The following EDC4 variants were observed in gnomAD, a reference collection of about 807,000 sequenced individuals.
The protein encoded by EDC4 is enhancer of mRNA decapping 4, also known as enhancer of mRNA-decapping protein 4.
Under a neutral mutation model 155.8 loss-of-function variants are expected in EDC4, and 64 were observed. That is an observed-to-expected ratio of 0.41 (90% CI 0.34 to 0.51). The LOEUF (loss-of-function observed/expected upper bound fraction) is 0.51. EDC4 is among the 20% of genes least tolerant of loss of function. The pLI is 0.19. For missense variants in EDC4, 1,303 were observed against 1,812.5 expected (o/e 0.72, Z 5.10); for synonymous variants, 684 against 716.8 (o/e 0.95, Z 0.73).
chr16:67,882,636 C>T lies in EDC4; in HGVS notation c.3442+42C>T. On this transcript the variant is annotated intron_variant, in intron 25 of 28. Coordinates refer to ENST00000358933, the MANE Select transcript of EDC4 (RefSeq NM_014329.5). This position sits in a 1 kb window ranked among gnomAD's most constrained non-coding sequence, Gnocchi z 7.2. ...GGCCCAAGGTGGGAGGGGTTATCCT[C>T]TTTCCTACTGTTCCTCTTATAGTCC... The T allele has an allele frequency of 3.1e-6, 5 of 1,614,250 alleles. No individual in the cohort carries two copies. Among genetic ancestry groups the T allele is most frequent in the Non-Finnish European group, 4.2e-6 (5 of 1,180,058 alleles).
At position 67,876,551 on chromosome 16, in the gene EDC4, G is replaced by A; in HGVS notation, c.303G>A (p.Val101=). 1 of 1,614,156 alleles carries A rather than the reference G, an allele frequency of 6.2e-7. No homozygotes were observed. Among genetic ancestry groups the A allele is most frequent in the African/African-American group, 1.3e-5 (1 of 75,046 alleles). Residue 101 remains valine (V), a synonymous_variant, in exon 3 of 29, where the codon GTG becomes GTA. Coordinates refer to ENST00000358933, the MANE Select transcript of EDC4 (RefSeq NM_014329.5). This position sits in a 1 kb window ranked among gnomAD's most constrained non-coding sequence, Gnocchi z 5.8. ...TTTTGGCCAAGGAGGTGGAGATTGTGGCTAGCAGTGACTCTAGCATTTCAA... is the reference window on the plus strand; with the variant it reads ...TTTTGGCCAAGGAGGTGGAGATTGTAGCTAGCAGTGACTCTAGCATTTCAA... The part of the protein sequence containing the change: ...IGILAKEVEI[V]ASSDSSISSK...
chr16:67,875,696 C>G, intron 1 of EDC4: 1 of 1,294,260 alleles, frequency 7.7e-7, no homozygotes, highest in South Asian at 2.1e-5. Context: ...TGAGTATTCA[C>G]TGCCCTCAAA....
chr16:67,876,429 C>T lies in EDC4; in HGVS notation c.240-59C>T. ...TGGCTATGTCCTCGCTTCCTCCCAA[C>T]CCTGCCCGCTGAGCCTTTGGGTGAA... On this transcript the variant is annotated intron_variant, in intron 2 of 28. Coordinates refer to ENST00000358933, the MANE Select transcript of EDC4 (RefSeq NM_014329.5). This position sits in a 1 kb window ranked among gnomAD's most constrained non-coding sequence, Gnocchi z 5.8. The T allele has an allele frequency of 1.1e-5, 18 of 1,595,442 alleles. No homozygotes were observed. Among genetic ancestry groups the T allele is most frequent in the Non-Finnish European group, 1.5e-5 (18 of 1,169,360 alleles).
In EDC4 at chr16:67,875,957, A is replaced by G. The variant is rs766126304; in HGVS notation, c.95A>G (p.Glu32Gly). ...TCTTTGTCCCCAGGCCCCAGTGCAGAGAGCCCACGGCCATCCAGTGCCTAC... is the reference window on the plus strand; with the variant it reads ...TCTTTGTCCCCAGGCCCCAGTGCAGGGAGCCCACGGCCATCCAGTGCCTAC... ...LDRPAGGPSA[E>G]SPRPSSAYNG... The change falls in exon 2 of 29, where the codon GAG becomes GGG. Residue 32 changes from glutamate to glycine, a missense_variant. This residue lies in a region of EDC4 where 99 missense variants were observed against 121.3 expected (regional missense o/e 0.82). Coordinates refer to ENST00000358933, the MANE Select transcript of EDC4 (RefSeq NM_014329.5). 4.3e-6 allele frequency: 7 copies of G among 1,613,602 alleles called. No individual in the cohort carries two copies. The African/African-American group carries it at 5.3e-5, about 12-fold the overall frequency.
chr16:67,879,816 C>T lies in EDC4; in HGVS notation c.1822-34C>T. 1 of 1,613,172 alleles carries T rather than the reference C, an allele frequency of 6.2e-7. No homozygotes were observed. The highest frequency in any genetic ancestry group is 1.1e-5 in the South Asian group (1 of 91,070). On this transcript the variant is annotated intron_variant, in intron 15 of 28. Coordinates refer to ENST00000358933, the MANE Select transcript of EDC4 (RefSeq NM_014329.5). The surrounding 1 kb of genome is among the most constrained non-coding windows in gnomAD (Gnocchi z 6.0). ...GGGGGACCTGGGAATGCCTCAGCCA[C>T]AGGCCACAGGTCTTATTTCCTGCAT...
In EDC4 at chr16:67,880,221, G is replaced by A. The variant is rs957835282; in HGVS notation, c.2097+5G>A. The A allele has an allele frequency of 1.8e-5, 28 of 1,594,696 alleles. No individual in the cohort carries two copies. Among genetic ancestry groups the A allele is most frequent in the African/African-American group, 4.0e-5 (3 of 74,612 alleles). ...ACTCCCAAGGGGCCGGGCCAGGTGT[G>A]TGACTGGGTGTGTGTGTGAAGTGTG... On this transcript the variant is annotated splice_donor_5th_base_variant and intron_variant, in intron 17 of 28. Transcript: ENST00000358933. This position sits in a 1 kb window ranked among gnomAD's most constrained non-coding sequence, Gnocchi z 5.2.
chr16:67,878,479 G>A lies in EDC4; in HGVS notation c.1088+36G>A, dbSNP rs2058051270. On this transcript the variant is annotated intron_variant, in intron 9 of 28. Coordinates refer to ENST00000358933, the MANE Select transcript of EDC4 (RefSeq NM_014329.5). The surrounding 1 kb of genome is among the most constrained non-coding windows in gnomAD (Gnocchi z 5.2). ...GGGCAGCCTAGTGGGTGGTGGGCTG[G>A]ACCATGGCTCCCAGCAGGGGCCCCA... 6.2e-7 allele frequency: 1 copy of A among 1,614,064 alleles called. No homozygotes were observed. The highest frequency in any genetic ancestry group is 8.5e-7 in the Non-Finnish European group (1 of 1,180,042).
rs373676008 is a variant in EDC4 at position 67,883,941 on chromosome 16, C to T, written c.4014-15C>T. 14 of 1,579,218 alleles carry T rather than the reference C, an allele frequency of 8.9e-6. No homozygotes were observed. In the East Asian group the frequency reaches 1.1e-4, roughly 13 times the overall value. On this transcript the variant is annotated splice_polypyrimidine_tract_variant and intron_variant, in intron 28 of 28. Transcript: ENST00000358933. The surrounding 1 kb of genome is among the most constrained non-coding windows in gnomAD (Gnocchi z 5.3). ...GGCACCCACCTGTAGCCTGTCCTTT[C>T]CCCCCCATCCCCAGCTACCTGGAAG...
In EDC4 at chr16:67,878,594, T is replaced by C; in HGVS notation, c.1147T>C (p.Trp383Arg). The change falls in exon 10 of 29, where the codon TGG becomes CGG. Residue 383 changes from tryptophan (W) to arginine (R), a missense_variant. By Grantham distance (101) the Trp-to-Arg change is moderately radical. Transcript: ENST00000358933. The surrounding 1 kb of genome is among the most constrained non-coding windows in gnomAD (Gnocchi z 5.2). ...TGACCAGAACCGAGAGTTAAAGATGTGGTGTACAGTATCCTGGACCTGCCT... is the reference window on the plus strand; with the variant it reads ...TGACCAGAACCGAGAGTTAAAGATGCGGTGTACAGTATCCTGGACCTGCCT... ...GADQNRELKMWCTVSWTCLQT... is the reference protein window; with the variant it reads ...GADQNRELKMRCTVSWTCLQT... 6.2e-7 allele frequency: 1 copy of C among 1,614,132 alleles called. No homozygotes were observed. The highest frequency in any genetic ancestry group is 8.5e-7 in the Non-Finnish European group (1 of 1,180,018).
chr16:67,879,524 AGGTAGG>A lies in EDC4; in HGVS notation c.1633+23_1633+28del. ...CTTCAGTGAGTAGGGCGTGAGAGGG[AGGTAGG>A]GTAAGTTGGACTGACCAGGGTCTGA... On this transcript the variant is annotated intron_variant, in intron 14 of 28. Transcript: ENST00000358933. This position sits in a 1 kb window ranked among gnomAD's most constrained non-coding sequence, Gnocchi z 6.0. The A allele has an allele frequency of 6.2e-7, 1 of 1,613,950 alleles. No homozygotes were observed. The highest frequency in any genetic ancestry group is 8.5e-7 in the Non-Finnish European group (1 of 1,179,966).
In EDC4 at chr16:67,881,308, G is replaced by A; in HGVS notation, c.2680G>A (p.Gly894Ser). ...GGCCAGCCTTGCCTCTGCTTCAGGA[G>A]GCTTTGGCACCAAAGTTCCTGCTCC... ...EVASLASASG[G>S]FGTKVPAPRL... The change falls in exon 20 of 29, where the codon GGC (glycine) becomes AGC (serine). Residue 894 changes from glycine to serine, a missense_variant. Gly to Ser is a moderately conservative substitution (Grantham distance 56, BLOSUM62 0). This residue lies in a region of EDC4 where 527 missense variants were observed against 757.0 expected (regional missense o/e 0.70). Transcript: ENST00000358933. The surrounding 1 kb of genome is among the most constrained non-coding windows in gnomAD (Gnocchi z 5.4). The A allele has an allele frequency of 6.2e-7, 1 of 1,614,142 alleles. No homozygotes were observed. The highest frequency in any genetic ancestry group is 8.5e-7 in the Non-Finnish European group (1 of 1,180,032).
intron 1 of EDC4, chr16:67,875,727 C>G: frequency 7.3e-7 from 1 of 1,362,754 alleles, no homozygotes; most frequent in South Asian, 1.8e-5. Context: ...TGGCTTGTAC[C>G]CCTCCCCCAG....
chr16:67,879,320 G>T lies in EDC4; in HGVS notation c.1541+11G>T. On this transcript the variant is annotated intron_variant, in intron 13 of 28. Coordinates refer to ENST00000358933, the MANE Select transcript of EDC4 (RefSeq NM_014329.5). The surrounding 1 kb of genome is among the most constrained non-coding windows in gnomAD (Gnocchi z 6.0). ...TTGTGTGCATACTAAGTGAGTGAGT[G>T]GGGAGGCCCGCCAGTGTCCTGTCTG... 1 of 1,614,176 alleles carries T rather than the reference G, an allele frequency of 6.2e-7. No individual in the cohort carries two copies. The highest frequency in any genetic ancestry group is 2.2e-5 in the East Asian group (1 of 44,882).
chr16:67,879,585 A>T lies in EDC4; in HGVS notation c.1634-2A>T. Reference sequence around the variant, plus strand: ...TAACTCAAGTGGCAACTTGCCCTGCAGCATTTGGAGAGTCTCGGCCCGAAC... The same window carrying T: ...TAACTCAAGTGGCAACTTGCCCTGCTGCATTTGGAGAGTCTCGGCCCGAAC... On this transcript the variant is annotated splice_acceptor_variant, in intron 14 of 28. Coordinates refer to ENST00000358933, the MANE Select transcript of EDC4 (RefSeq NM_014329.5). LOFTEE classifies it high-confidence loss of function. This position sits in a 1 kb window ranked among gnomAD's most constrained non-coding sequence, Gnocchi z 6.0. 1 of 1,613,848 alleles carries T rather than the reference A, an allele frequency of 6.2e-7. No individual in the cohort carries two copies. Among genetic ancestry groups the T allele is most frequent in the Non-Finnish European group, 8.5e-7 (1 of 1,179,774 alleles).
chr16:67,873,475 A>T, intron 1 of EDC4, 132 bp downstream of exon 1: 1 of 700,544 alleles, frequency 1.4e-6, no homozygotes. Context: ...GTGGACGGGG[A>T]TTGACTGTGC....
Position 67,876,676 on chromosome 16 carries a change from T to A in EDC4, c.351+77T>A. The A allele has an allele frequency of 6.3e-7, 1 of 1,582,992 alleles. No individual in the cohort carries two copies. Among genetic ancestry groups the A allele is most frequent in the Middle Eastern group, 2.0e-4 (1 of 4,960 alleles). On this transcript the variant is annotated intron_variant, in intron 3 of 28. Transcript: ENST00000358933. The surrounding 1 kb of genome is among the most constrained non-coding windows in gnomAD (Gnocchi z 5.8). The stretch of plus-strand genomic sequence containing the variant: ...TTTCCAGTCTCCCTCATGCTGCCAG[T>A]TCCTATGGGGACCACCTTGACACTT...
At chr16:67,875,864 G>C (rs1424904541) in intron 1 of EDC4, 81 bp from the exon 2 acceptor site, 2 of 1,549,324 alleles carry the variant, frequency 1.3e-6, no homozygotes, top group Non-Finnish European at 1.7e-6. Flanking sequence ...GCACCTCATA[G>C]TTCTTGAAGG....
Position 67,879,767 on chromosome 16 carries a change from TGCA to T in EDC4, c.1819_1821del (p.Gln607del). ...GCCTTCATGACACCTAGCGCCTCCT[TGCA>T]GCAGGTACTCTCCCAGGGTAGGGGG... is the stretch of plus-strand genomic sequence containing the variant. On this transcript the variant is annotated inframe_deletion, in exon 15 of 29. Coordinates refer to ENST00000358933, the MANE Select transcript of EDC4 (RefSeq NM_014329.5). The surrounding 1 kb of genome is among the most constrained non-coding windows in gnomAD (Gnocchi z 6.0). The T allele has an allele frequency of 1.2e-6, 2 of 1,614,032 alleles. No homozygotes were observed. The highest frequency in any genetic ancestry group is 8.5e-7 in the Non-Finnish European group (1 of 1,179,952).
At position 67,884,221 on chromosome 16, in the gene EDC4, C is replaced by T. The variant is rs1258155732; in HGVS notation, c.*73C>T. 1.4e-6 allele frequency: 2 copies of T among 1,403,596 alleles called. No homozygotes were observed. Among genetic ancestry groups the T allele is most frequent in the African/African-American group, 2.9e-5 (2 of 69,976 alleles). The allele number at this position is 1,403,596 out of a possible 1,614,324, so 86.9% of individuals were successfully genotyped here. On this transcript the variant is annotated 3_prime_UTR_variant, in exon 29 of 29. Coordinates refer to ENST00000358933, the MANE Select transcript of EDC4 (RefSeq NM_014329.5). The surrounding 1 kb of genome is among the most constrained non-coding windows in gnomAD (Gnocchi z 4.1). ...AGACAGGCCTAGGCTGGGGCAGGGTCACGGCTGGCCTTTACCTGCTCAGGC... is the reference window on the plus strand; with the variant it reads ...AGACAGGCCTAGGCTGGGGCAGGGTTACGGCTGGCCTTTACCTGCTCAGGC...
Sources: gnomAD v4.1 joint callset for allele counts on GRCh38, gnomAD v4.1.1 for gene constraint, gnomAD v4.1.1 regional missense constraint, Gnocchi (gnomAD v3.1) non-coding constraint, MANE v1.5 for transcripts, NCBI Gene and HGNC (gene_info 2026-07-23, HGNC 2026-07-21) for gene names.